The following COL18A1 variants were observed in gnomAD, a reference collection of about 807,000 sequenced individuals.
COL18A1 encodes collagen alpha-1(XVIII) chain.
Under a neutral mutation model 168.0 loss-of-function variants are expected in COL18A1, and 133 were observed. The ratio of observed to expected loss-of-function variants is 0.79; its 90% CI spans 0.69 to 0.91. The LOEUF (loss-of-function observed/expected upper bound fraction) is 0.91, where lower values mean the gene tolerates loss of function less well. Among genes scored for constraint, COL18A1 ranks in the 40% least tolerant of loss-of-function variants. COL18A1 has a pLI of 0.00. For missense variants in COL18A1, 2,126 were observed against 1,925.4 expected (o/e 1.10, Z -1.95); for synonymous variants, 949 against 809.0 (o/e 1.17, Z -2.94).
intron 27 of COL18A1, 22 bp downstream of exon 27, chr21:45,494,593 T>C (rs765650899): frequency 6.8e-6 from 11 of 1,613,030 alleles, no homozygotes; most frequent in African/African-American, 1.3e-5. Context: ...CCTGGCTTTC[T>C]CTGCACTGAG....
At position 45,476,398 on chromosome 21, in the gene COL18A1, G is replaced by A. The variant is rs2230688; in HGVS notation, c.846G>A (p.Thr282=). 1.7e-4 allele frequency: 271 copies of A among 1,613,744 alleles called. 2 individuals carry two copies. The South Asian group carries it at 2.7e-3, about 16-fold the overall frequency. Residue 282 remains threonine, a synonymous_variant, in exon 6 of 42, where the codon ACG becomes ACA. Transcript: ENST00000651438. ...PRLPAPPPVT[T]PPLAGGSSTE... The stretch of plus-strand genomic sequence containing the variant: ...TCCCCGCGCCACCCCCCGTCACCAC[G>A]CCACCCTTGGCTGGAGGCAGCAGCA...
chr21:45,511,382 ATG>A (rs539061754), intron 41 of COL18A1, among the ~76,000 whole-genome samples, 156 bp downstream of exon 41: 193 of 152,248 alleles, frequency 1.3e-3, no homozygotes, highest in African/African-American at 4.5e-3. Flanking sequence ...ATTGAGAAAA[ATG>A]AGAACTGCTC....
chr21:45,427,198 T>C (rs1481921681), intron 2 of COL18A1, among the ~76,000 whole-genome samples: 1 of 152,200 alleles, frequency 6.6e-6, no homozygotes, highest in Non-Finnish European at 1.5e-5. Flanking sequence ...CTTTCTGTTC[T>C]CCGTGTGGGT....
intron 2 of COL18A1, among the ~76,000 whole-genome samples, chr21:45,437,359 CACACACACACACTCA>C (rs2034161768): frequency 2.3e-5 from 1 of 42,998 alleles, no homozygotes; most frequent in Non-Finnish European, 4.6e-5. Context: ...CTCTCCTGCG[CACACACACACACTCA>C]GACACACAGG....
rs149893359 is a variant in COL18A1, at chr21:45,413,235, G to A, written c.106+7762G>A. On this transcript the variant is annotated intron_variant, in intron 2 of 41. Coordinates refer to ENST00000651438, the MANE Select transcript of COL18A1 (RefSeq NM_001379500.1). ...CCCCGTGAGCAGACACAGCTTTTGTGCTGCTTCTTACTGAGCCCCGCGCTG... is the reference window on the plus strand; with the variant it reads ...CCCCGTGAGCAGACACAGCTTTTGTACTGCTTCTTACTGAGCCCCGCGCTG... 9.3e-4 allele frequency among the ~76,000 whole-genome samples: 141 copies of A among 152,362 alleles called. 1 individual carries two copies. The Middle Eastern group carries it at 0.027, about 29-fold the overall frequency.
intron 2 of COL18A1, among the ~76,000 whole-genome samples, chr21:45,437,674 A>T (rs1413907486): frequency 2.5e-5 from 2 of 79,896 alleles, no homozygotes; most frequent in Non-Finnish European, 2.3e-5. Context: ...ACTCAGACAC[A>T]CAGGCACTCT....
intron 2 of COL18A1, among the ~76,000 whole-genome samples, chr21:45,437,249 C>A (rs1293116135): frequency 8.4e-6 from 1 of 119,748 alleles, no homozygotes. Flanking sequence ...CTCCTGTACA[C>A]ACACACACTC....
At chr21:45,442,594 G>A (rs1602394257) in intron 2 of COL18A1, among the ~76,000 whole-genome samples, 2 of 152,222 alleles carry the variant, frequency 1.3e-5, no homozygotes, top group African/African-American at 2.4e-5. Context: ...GGTGTGGGCG[G>A]TGGTGCTGGT....
intron 29 of COL18A1, chr21:45,495,952 GCA>G (rs758685488): frequency 9.2e-6 from 3 of 326,172 alleles, no homozygotes; most frequent in Non-Finnish European, 1.2e-5. Context: ...GTATACTCAT[GCA>G]CACATACATA....
At chr21:45,482,559 T>G (rs1248054811) in intron 14 of COL18A1, among the ~76,000 whole-genome samples, 1 of 152,156 alleles carries the variant, frequency 6.6e-6, no homozygotes, top group Non-Finnish European at 1.5e-5. Context: ...GCCCCACGTG[T>G]AGCCAGGTCC....
At chr21:45,493,305 G>GTT in intron 25 of COL18A1, 80 bp downstream of exon 25, 1 of 1,484,864 alleles carries the variant, frequency 6.7e-7, no homozygotes, top group Non-Finnish European at 9.2e-7. Context: ...CCACTGTTGG[G>GTT]AGGGACCTGG....
rs931996796 is a variant in COL18A1, at chr21:45,468,597, G to A, written c.462G>A (p.Arg154=). The part of the protein sequence containing the change: ...AGQTHTAASF[R]LPAFVGQWTH... ...AGACCCACACAGCCGCCAGCTTCCG[G>A]CTCCCCGCCTTCGTCGGCCAGTGGA... Residue 154 remains arginine (R), a synonymous_variant, in exon 3 of 42, where the codon CGG becomes CGA. Coordinates refer to ENST00000651438, the MANE Select transcript of COL18A1 (RefSeq NM_001379500.1). 10 of 1,613,554 alleles carry A rather than the reference G, an allele frequency of 6.2e-6. No homozygotes were observed. The African/African-American group carries it at 1.2e-4, about 19-fold the overall frequency.
chr21:45,468,997 G>A (rs2035317169), intron 3 of COL18A1, among the ~76,000 whole-genome samples: 1 of 152,204 alleles, frequency 6.6e-6, no homozygotes, highest in Non-Finnish European at 1.5e-5. Context: ...TGGCCGGCCT[G>A]GCTGGGGTGG....
At chr21:45,511,424 G>A (rs2037601884) in intron 41 of COL18A1, among the ~76,000 whole-genome samples, 198 bp downstream of exon 41, 1 of 152,174 alleles carries the variant, frequency 6.6e-6, no homozygotes, top group African/African-American at 2.4e-5. Context: ...ATGCGTTTGA[G>A]AGCCAGGTAG....
At chr21:45,411,361 G>A (rs1310602716) in intron 2 of COL18A1, among the ~76,000 whole-genome samples, 5 of 152,142 alleles carry the variant, frequency 3.3e-5, no homozygotes, top group East Asian at 3.9e-4. Context: ...GATGGGTGGC[G>A]AGGCCCCCGC....
intron 2 of COL18A1, among the ~76,000 whole-genome samples, chr21:45,406,747 C>T (rs1004668686): frequency 6.6e-6 from 1 of 152,222 alleles, no homozygotes; most frequent in African/African-American, 2.4e-5. Flanking sequence ...CGCTGGGGCC[C>T]AAGCCCGAGC....
intron 21 of COL18A1, 33 bp downstream of exon 21, chr21:45,490,904 G>C: frequency 6.5e-7 from 1 of 1,542,838 alleles, no homozygotes; most frequent in Non-Finnish European, 8.8e-7. Context: ...GATGGGGATG[G>C]GGGGCGCTGG....
chr21:45,486,139 G>A (rs755089730), intron 15 of COL18A1, among the ~76,000 whole-genome samples: 5 of 152,304 alleles, frequency 3.3e-5, no homozygotes, highest in South Asian at 2.1e-4. Context: ...ACATGCCTCC[G>A]GGCTCGCCTG....
chr21:45,469,567 G>A (rs75607956), intron 3 of COL18A1, among the ~76,000 whole-genome samples: 13 of 152,164 alleles, frequency 8.5e-5, no homozygotes, highest in African/African-American at 3.1e-4. Flanking sequence ...CTTGGGGTTG[G>A]GGGGGTGGAC....
Sources: gnomAD v4.1 joint callset for allele counts (sites outside exome capture counted in the v4.1 genomes callset) on GRCh38, gnomAD v4.1.1 for gene constraint, MANE v1.5 for transcripts, NCBI Gene and HGNC (gene_info 2026-07-23, HGNC 2026-07-21) for gene names.